Variants in HINT3 observed in about 807,000 individuals in gnomAD.
HINT3 encodes the protein histidine triad nucleotide binding protein 3, also known as adenosine 5'-monophosphoramidase HINT3.
Under a neutral mutation model 19.1 loss-of-function variants are expected in HINT3, and 16 were observed. That is an observed-to-expected ratio of 0.84 (90% CI 0.57 to 1.27). HINT3 has a LOEUF of 1.27. HINT3 is among the 50% of genes most tolerant of loss of function. HINT3 has a pLI of 0.00. For missense variants in HINT3, 197 were observed against 225.8 expected, an observed-to-expected ratio of 0.87 and a Z score of 0.82; for synonymous variants, 75 against 84.8, an observed-to-expected ratio of 0.88 and a Z score of 0.63.
intron 1 of HINT3, among the ~76,000 whole-genome samples, chr6:125,962,196 A>G (rs1788939912): frequency 2.1e-5 from 1 of 47,326 alleles, no homozygotes; most frequent in Non-Finnish European, 3.3e-5. Flanking sequence ...ACACATATAT[A>G]TATATATATA....
In HINT3 at chr6:125,966,972, G is replaced by A; in HGVS notation, c.287G>A (p.Cys96Tyr). Residue 96 changes from cysteine to tyrosine, a missense_variant, in exon 2 of 5, where the codon TGC becomes TAC. By Grantham distance (194) the Cys-to-Tyr change is radical (BLOSUM62 -2). Transcript: ENST00000229633. ...GTGCCAAAGAAGCATATTGGAAACT[G>A]CAGAACTCTAAGGAAAGATCAAGTA... Reference protein sequence around the residue: ...LVVPKKHIGNCRTLRKDQVEL... With the variant: ...LVVPKKHIGNYRTLRKDQVEL... The A allele has an allele frequency of 6.2e-7, 1 of 1,611,218 alleles. No homozygotes were observed. The highest frequency in any genetic ancestry group is 8.5e-7 in the Non-Finnish European group (1 of 1,177,974).
At chr6:125,962,252 A>C (rs1239602252) in intron 1 of HINT3, among the ~76,000 whole-genome samples, 3 of 17,476 alleles carry the variant, frequency 1.7e-4, no homozygotes, top group Admixed American at 7.3e-4. Context: ...ATATATATAC[A>C]CACATATATA....
chr6:125,962,177 T>C lies in HINT3; in HGVS notation c.202-4710T>C, dbSNP rs62426370. Among the ~76,000 whole-genome samples, 184 of 46,336 alleles carry C rather than the reference T, an allele frequency of 4.0e-3. 14 individuals carry two copies. The highest frequency in any genetic ancestry group is 8.3e-3 in the Admixed American group (29 of 3,488). 30.4% of individuals were successfully genotyped at this position (46,336 alleles called of 152,430 possible). ...ATATATATACACATATATATATATA[T>C]ATATATATACACATATATATATATA... On this transcript the variant is annotated intron_variant, in intron 1 of 4. Coordinates refer to ENST00000229633, the MANE Select transcript of HINT3 (RefSeq NM_138571.5).
rs189659561 is a variant in HINT3, at chr6:125,978,542, T to C, written c.*866T>C. 6.6e-6 allele frequency: 1 copy of C among 152,342 alleles called. No homozygotes were observed. Among genetic ancestry groups the C allele is most frequent in the East Asian group, 1.9e-4 (1 of 5,192 alleles). The allele number at this position is 152,342 out of a possible 1,614,324, so 9.4% of individuals were successfully genotyped here. On this transcript the variant is annotated 3_prime_UTR_variant, in exon 5 of 5. Transcript: ENST00000229633. Reference sequence around the variant, plus strand: ...TAGATGAGAAAAATTGATAACGCAATGTTAATACTATTGATATTTCATAGG... The same window carrying C: ...TAGATGAGAAAAATTGATAACGCAACGTTAATACTATTGATATTTCATAGG...
chr6:125,968,268 G>C (rs1789046141), intron 2 of HINT3, among the ~76,000 whole-genome samples: 1 of 152,286 alleles, frequency 6.6e-6, no homozygotes, highest in East Asian at 1.9e-4. Context: ...CAGAGTGTTT[G>C]GTTTTCTGTT....
At position 125,976,399 on chromosome 6, in the gene HINT3, T is replaced by G. The variant is rs1004952484; in HGVS notation, c.517-1245T>G. Among the ~76,000 whole-genome samples the G allele has an allele frequency of 4.6e-5, 7 of 151,782 alleles. No individual in the cohort carries two copies. In the East Asian group the frequency reaches 1.4e-3, roughly 29 times the overall value. On this transcript the variant is annotated intron_variant, in intron 4 of 4. Transcript: ENST00000229633. Reference sequence around the variant, plus strand: ...CTCCAGCCTGGGTGACAGAGTGAGATCTTGTCTCAAAAAATAATAAAAAAT... The same window carrying G: ...CTCCAGCCTGGGTGACAGAGTGAGAGCTTGTCTCAAAAAATAATAAAAAAT...
At chr6:125,964,521 C>T (rs1788989237) in intron 1 of HINT3, among the ~76,000 whole-genome samples, 1 of 152,226 alleles carries the variant, frequency 6.6e-6, no homozygotes, top group South Asian at 2.1e-4. Flanking sequence ...TAACCACTCT[C>T]CTGCTCCTTG....
At chr6:125,963,115 G>A (rs1788966829) in intron 1 of HINT3, among the ~76,000 whole-genome samples, 2 of 152,140 alleles carry the variant, frequency 1.3e-5, no homozygotes, top group African/African-American at 2.4e-5. Context: ...AGCAGTATGC[G>A]TGATCAAAAG....
chr6:125,975,151 C>CA (rs967122719), intron 4 of HINT3, among the ~76,000 whole-genome samples, 178 bp downstream of exon 4: 3 of 152,150 alleles, frequency 2.0e-5, no homozygotes, highest in Non-Finnish European at 4.4e-5. Flanking sequence ...TGAAGATCAT[C>CA]AGTCTGTAGG....
Position 125,956,940 on chromosome 6 carries a change from G to T in HINT3, c.-38G>T. 1 of 1,541,046 alleles carries T rather than the reference G, an allele frequency of 6.5e-7. No homozygotes were observed. On this transcript the variant is annotated 5_prime_UTR_variant, in exon 1 of 5. Transcript: ENST00000229633. ...GAGACTGCGCGGGCCCGGTAGCCCT[G>T]GAGAGGCCGAGGCTCTAGGCCGCGA...
chr6:125,971,911 C>T (rs1789106737), intron 2 of HINT3, among the ~76,000 whole-genome samples: 1 of 151,990 alleles, frequency 6.6e-6, no homozygotes, highest in Middle Eastern at 3.2e-3. Flanking sequence ...GGGGGTTTCA[C>T]CATGTTGGCC....
Position 125,974,889 on chromosome 6 carries a change from G to A in HINT3, c.432G>A (p.Leu144=). The A allele has an allele frequency of 6.2e-7, 1 of 1,613,840 alleles. No homozygotes were observed. Among genetic ancestry groups the A allele is most frequent in the Non-Finnish European group, 8.5e-7 (1 of 1,179,848 alleles). Residue 144 remains leucine, a synonymous_variant, in exon 4 of 5, where the codon TTG becomes TTA. Coordinates refer to ENST00000229633, the MANE Select transcript of HINT3 (RefSeq NM_138571.5). ...CACCATTCTGTTCCATTTCCCACTT[G>A]CACCTTCATGTTCTGGCACCAGTGG... ...HMPPFCSISH[L]HLHVLAPVDQ...
intron 1 of HINT3, among the ~76,000 whole-genome samples, chr6:125,960,622 A>G (rs989546461): frequency 6.7e-5 from 9 of 133,444 alleles, no homozygotes; most frequent in African/African-American, 2.3e-4. Flanking sequence ...GCGCCGCTGC[A>G]CTCCAGCCTG....
intron 1 of HINT3, among the ~76,000 whole-genome samples, chr6:125,962,159 T>TAC (rs574020655): frequency 9.2e-5 from 5 of 54,310 alleles, no homozygotes; most frequent in African/African-American, 1.4e-4. Flanking sequence ...CATATATATA[T>TAC]ACACATATAT....
rs749341560 is a variant in HINT3, at chr6:125,974,893, C to T, written c.436C>T (p.Leu146Phe). ...PPFCSISHLH[L>F]HVLAPVDQLG... is the part of the protein sequence containing the mutation. ...ATTCTGTTCCATTTCCCACTTGCAC[C>T]TTCATGTTCTGGCACCAGTGGATCA... The change falls in exon 4 of 5, where the codon CTT (leucine) becomes TTT (phenylalanine). Residue 146 changes from leucine to phenylalanine, a missense_variant. By Grantham distance (22) the Leu-to-Phe change is conservative (BLOSUM62 0). Transcript: ENST00000229633. 6.2e-7 allele frequency: 1 copy of T among 1,613,958 alleles called. No individual in the cohort carries two copies. Among genetic ancestry groups the T allele is most frequent in the Non-Finnish European group, 8.5e-7 (1 of 1,179,888 alleles).
chr6:125,968,085 G>A (rs1450181918), intron 2 of HINT3, among the ~76,000 whole-genome samples: 2 of 152,174 alleles, frequency 1.3e-5, no homozygotes, highest in Admixed American at 1.3e-4. Flanking sequence ...TGGTGCTGAG[G>A]TTTGGGATAC....
At position 125,977,905 on chromosome 6, in the gene HINT3, TATG is replaced by T. The variant is rs1441782624; in HGVS notation, c.*232_*234del. The T allele has an allele frequency of 5.8e-6, 2 of 342,734 alleles. No homozygotes were observed. The highest frequency in any genetic ancestry group is 1.1e-5 in the Non-Finnish European group (2 of 190,070). The allele number at this position is 342,734 out of a possible 1,614,324, so 21.2% of individuals were successfully genotyped here. The stretch of plus-strand genomic sequence containing the variant: ...GTTACTTGTATAAGGATTTTATATA[TATG>T]ATACTATAGATAAAATCCTATTTAA... On this transcript the variant is annotated 3_prime_UTR_variant, in exon 5 of 5. Coordinates refer to ENST00000229633, the MANE Select transcript of HINT3 (RefSeq NM_138571.5).
At position 125,956,960 on chromosome 6, in the gene HINT3, C is replaced by A; in HGVS notation, c.-18C>A. 1 of 1,548,514 alleles carries A rather than the reference C, an allele frequency of 6.5e-7. No homozygotes were observed. The highest frequency in any genetic ancestry group is 8.7e-7 in the Non-Finnish European group (1 of 1,146,080). On this transcript the variant is annotated 5_prime_UTR_variant, in exon 1 of 5. Transcript: ENST00000229633. ...GCCCTGGAGAGGCCGAGGCTCTAGG[C>A]CGCGAGGGGCGGGTGCAATGGCGGA... is the stretch of plus-strand genomic sequence containing the variant.
chr6:125,968,186 C>G (rs1273726810), intron 2 of HINT3, among the ~76,000 whole-genome samples: 1 of 152,062 alleles, frequency 6.6e-6, no homozygotes, highest in South Asian at 2.1e-4. Context: ...TTTAGTTGTC[C>G]CCAGTGTCTA....
Sources: allele counts gnomAD v4.1 joint callset (sites outside exome capture counted in the v4.1 genomes callset), GRCh38; gene constraint gnomAD v4.1.1; transcripts MANE v1.5; gene names NCBI Gene and HGNC (gene_info 2026-07-23, HGNC 2026-07-21).